Variants in IL1RAPL1 observed in about 807,000 individuals in gnomAD.
IL1RAPL1 encodes the protein interleukin-1 receptor accessory protein-like 1.
IL1RAPL1 carries 3 observed loss-of-function variants against 48.4 expected under a neutral mutation model. The ratio of observed to expected loss-of-function variants is 0.06; its 90% confidence interval spans 0.03 to 0.16. The LOEUF (loss-of-function observed/expected upper bound fraction) is 0.16. Ranked by LOEUF, IL1RAPL1 falls within the 10% of genes least tolerant of loss-of-function variation. IL1RAPL1 has a pLI of 1.00. For synonymous variants in IL1RAPL1, 185 were observed against 187.7 expected (o/e 0.99, Z 0.12); for missense variants, 349 against 530.6 (o/e 0.66, Z 3.36).
intron 2 of IL1RAPL1, among the ~76,000 whole-genome samples, chrX:28,917,202 C>T (rs1358645507): frequency 1.8e-5 from 2 of 111,487 alleles, no homozygotes; most frequent in East Asian, 5.6e-4. Flanking sequence ...CTTCTTGATA[C>T]AGAAAAGATA....
chrX:29,171,434 G>A (rs1412086077), intron 2 of IL1RAPL1, among the ~76,000 whole-genome samples: 2 of 111,502 alleles, frequency 1.8e-5, no homozygotes, highest in Non-Finnish European at 3.8e-5. Context: ...ACTTTCCCAG[G>A]AAGTGGTGAG....
intron 6 of IL1RAPL1, among the ~76,000 whole-genome samples, chrX:29,846,752 C>CTATA (rs3084827): frequency 1.2e-3 from 117 of 93,601 alleles, no homozygotes; most frequent in African/African-American, 4.6e-3. Context: ...TAACCACAGT[C>CTATA]TATATATATA....
chrX:29,886,552 T>C (rs1569194530), intron 6 of IL1RAPL1, among the ~76,000 whole-genome samples: 1 of 112,465 alleles, frequency 8.9e-6, no homozygotes, highest in Non-Finnish European at 1.9e-5. Context: ...CAGAATTTCA[T>C]ATTAGATCAT....
At chrX:29,858,192 GAGA>G (rs1931511566) in intron 6 of IL1RAPL1, among the ~76,000 whole-genome samples, 1 of 111,643 alleles carries the variant, frequency 9.0e-6, no homozygotes, top group South Asian at 3.8e-4. Context: ...ACCCTTCTAT[GAGA>G]AGAATTTACA....
intron 1 of IL1RAPL1, among the ~76,000 whole-genome samples, chrX:28,713,250 G>A (rs926691849): frequency 9.1e-6 from 1 of 109,968 alleles, no homozygotes; most frequent in African/African-American, 3.3e-5. Flanking sequence ...TAGAGACGGG[G>A]TTTCACTGTG....
intron 1 of IL1RAPL1, among the ~76,000 whole-genome samples, chrX:28,780,359 G>C (rs193089037): frequency 4.3e-4 from 37 of 86,895 alleles, no homozygotes; most frequent in Middle Eastern, 5.8e-3. Flanking sequence ...GTGTGTGTGT[G>C]TGTGTGTCTG....
chrX:28,926,297 C>T (rs996680102), intron 2 of IL1RAPL1, among the ~76,000 whole-genome samples: 1 of 111,603 alleles, frequency 9.0e-6, no homozygotes, highest in African/African-American at 3.3e-5. Context: ...GTTAAAAGAT[C>T]AGACTTCTAA....
intron 5 of IL1RAPL1, among the ~76,000 whole-genome samples, chrX:29,522,105 C>T (rs756180700): frequency 8.1e-5 from 9 of 111,774 alleles, no homozygotes; most frequent in Non-Finnish European, 1.3e-4. Context: ...ATTTATCAGT[C>T]GTTGTGGATT....
At chrX:29,549,550 T>G (rs1432553735) in intron 5 of IL1RAPL1, among the ~76,000 whole-genome samples, 1 of 112,117 alleles carries the variant, frequency 8.9e-6, no homozygotes, top group African/African-American at 3.2e-5. Context: ...GCTTCAATAC[T>G]GTCTGCAGTT....
At chrX:29,533,475 T>A (rs2147779370) in intron 5 of IL1RAPL1, among the ~76,000 whole-genome samples, 1 of 112,766 alleles carries the variant, frequency 8.9e-6, no homozygotes, top group East Asian at 2.8e-4. Flanking sequence ...ATTGTATGGA[T>A]ATATCACATT....
At chrX:29,860,730 G>T (rs914304805) in intron 6 of IL1RAPL1, among the ~76,000 whole-genome samples, 1 of 112,142 alleles carries the variant, frequency 8.9e-6, no homozygotes, top group African/African-American at 3.2e-5. Flanking sequence ...TGGTGTATAT[G>T]TGCCACATTT....
chrX:28,902,645 C>G (rs924506110), intron 2 of IL1RAPL1, among the ~76,000 whole-genome samples: 1 of 111,638 alleles, frequency 9.0e-6, no homozygotes, highest in Non-Finnish European at 1.9e-5. Flanking sequence ...CTCTTCAAAA[C>G]TAAGGGAAAA....
At chrX:28,850,066 A>C (rs7064303) in intron 2 of IL1RAPL1, among the ~76,000 whole-genome samples, 8 of 111,562 alleles carry the variant, frequency 7.2e-5, no homozygotes, top group South Asian at 7.4e-4. Context: ...TCTTTTGTTA[A>C]TTTTAGCTTT....
At chrX:29,336,009 T>C (rs1932987722) in intron 3 of IL1RAPL1, among the ~76,000 whole-genome samples, 2 of 108,404 alleles carry the variant, frequency 1.8e-5, no homozygotes, top group Non-Finnish European at 3.8e-5. Flanking sequence ...TATGGAAATA[T>C]ATCTCAATTA....
At chrX:29,906,406 T>C (rs1267526839) in intron 6 of IL1RAPL1, among the ~76,000 whole-genome samples, 1 of 88,683 alleles carries the variant, frequency 1.1e-5, no homozygotes, top group East Asian at 3.9e-4. Flanking sequence ...GGGTGTGCCA[T>C]AGACCAATGA....
intron 5 of IL1RAPL1, among the ~76,000 whole-genome samples, chrX:29,475,658 TC>T (rs1934964857): frequency 1.8e-5 from 2 of 112,029 alleles, no homozygotes; most frequent in African/African-American, 6.5e-5. Flanking sequence ...TGACATTGTT[TC>T]AAAATGTGCA....
chrX:29,902,487 G>T (rs913356328), intron 6 of IL1RAPL1, among the ~76,000 whole-genome samples: 10 of 111,045 alleles, frequency 9.0e-5, no homozygotes, highest in African/African-American at 2.9e-4. Flanking sequence ...GAGGAGCCAT[G>T]CTACTGCCTC....
intron 1 of IL1RAPL1, among the ~76,000 whole-genome samples, chrX:28,619,920 T>C (rs1029843154): frequency 2.7e-5 from 3 of 111,590 alleles, no homozygotes; most frequent in African/African-American, 9.8e-5. Context: ...TCTATCCAAA[T>C]GCATTTTGCT....
rs185959916 is a variant in IL1RAPL1, at chrX:28,717,534, A to G, written c.-24-71786A>G. On this transcript the variant is annotated intron_variant, in intron 1 of 10. Coordinates refer to ENST00000378993, the MANE Select transcript of IL1RAPL1 (RefSeq NM_014271.4). ...GGGAGGAGGAAGAGGATCAGGAAAA[A>G]TAACTAATGGATACTAGGCTTAATA... is the stretch of plus-strand genomic sequence containing the variant. 2.7e-5 allele frequency among the ~76,000 whole-genome samples: 3 copies of G among 111,744 alleles called. No homozygotes were observed. The East Asian group carries it at 8.5e-4, about 32-fold the overall frequency.
Sources: allele counts gnomAD v4.1 joint callset (sites outside exome capture counted in the v4.1 genomes callset), GRCh38; gene constraint gnomAD v4.1.1; transcripts MANE v1.5; gene names NCBI Gene and HGNC (gene_info 2026-07-23, HGNC 2026-07-21).